Variants in PRRC2B observed in about 807,000 individuals in gnomAD.
PRRC2B encodes the protein proline rich coiled-coil 2B, also known as protein PRRC2B.
Under a neutral mutation model 242.3 loss-of-function variants are expected in PRRC2B, and 68 were observed. The observed-to-expected ratio is 0.28, with a 90% CI of 0.23 to 0.34. The LOEUF is 0.34. PRRC2B is among the 10% of genes least tolerant of loss of function. The pLI is 1.00. For missense variants in PRRC2B, 2,835 were observed against 2,954.8 expected (o/e 0.96, Z 0.94); for synonymous variants, 1,228 against 1,173.6 (o/e 1.05, Z -0.95).
intron 18 of PRRC2B, 82 bp from the exon 19 acceptor site, chr9:131,479,170 G>T: frequency 1.4e-6 from 2 of 1,412,996 alleles, no homozygotes; most frequent in Non-Finnish European, 2.0e-6. Context: ...TGTGATTTTT[G>T]GTACCTGGGA....
Position 131,440,667 on chromosome 9 carries a change from C to T in PRRC2B, c.469+1606C>T, listed in dbSNP as rs1348883351. 2.0e-5 allele frequency among the ~76,000 whole-genome samples: 3 copies of T among 152,224 alleles called. No homozygotes were observed. The East Asian group carries it at 5.8e-4, about 29-fold the overall frequency. On this transcript the variant is annotated intron_variant, in intron 5 of 31. Coordinates refer to ENST00000683519, the MANE Select transcript of PRRC2B (RefSeq NM_013318.4). ...ATAATAGCAAAAGATTGCAAACAGT[C>T]CCTTGAAATGCCTGTAAAATTATGG...
At chr9:131,430,015 A>T (rs1346153444) in intron 1 of PRRC2B, 79 bp from the exon 2 acceptor site, 1 of 625,036 alleles carries the variant, frequency 1.6e-6, no homozygotes, top group Non-Finnish European at 2.8e-6. Flanking sequence ...ACTCCTCTGG[A>T]TCAGAGGTTC....
chr9:131,483,540 G>A (rs1943933103), intron 23 of PRRC2B, 95 bp downstream of exon 23: 1 of 1,094,260 alleles, frequency 9.1e-7, no homozygotes, highest in African/African-American at 1.6e-5. Context: ...GCTGACCTGG[G>A]CTGGCACGTG....
chr9:131,453,903 C>T (rs1475718743), intron 9 of PRRC2B, among the ~76,000 whole-genome samples: 1 of 151,914 alleles, frequency 6.6e-6, no homozygotes, highest in African/African-American at 2.4e-5. Flanking sequence ...TAAAATTTAC[C>T]CTTTTAAAGT....
intron 1 of PRRC2B, among the ~76,000 whole-genome samples, chr9:131,380,450 G>C (rs981157219): frequency 6.6e-6 from 1 of 151,378 alleles, no homozygotes; most frequent in Admixed American, 6.6e-5. Context: ...GTGGTGGTGC[G>C]TGCCTGTAAT....
chr9:131,409,004 TCA>T (rs1223346550), intron 1 of PRRC2B, among the ~76,000 whole-genome samples: 1 of 123,738 alleles, frequency 8.1e-6, no homozygotes, highest in Non-Finnish European at 1.7e-5. Context: ...CAGGCATGAG[TCA>T]CTGCGCTCAG....
intron 1 of PRRC2B, among the ~76,000 whole-genome samples, chr9:131,423,386 ATG>A (rs1409085726): frequency 6.6e-6 from 1 of 152,128 alleles, no homozygotes; most frequent in Non-Finnish European, 1.5e-5. Context: ...TGGGGTATGC[ATG>A]TGTGTTGATG....
At chr9:131,394,832 A>T (rs1449038614) in intron 1 of PRRC2B, among the ~76,000 whole-genome samples, 1 of 142,208 alleles carries the variant, frequency 7.0e-6, no homozygotes, top group Admixed American at 6.9e-5. Context: ...TGGGGGAGGG[A>T]GGCGAGCGGC....
chr9:131,437,961 T>C lies in PRRC2B; in HGVS notation c.397-1028T>C, dbSNP rs76814982. Reference sequence around the variant, plus strand: ...GGTCCTGGGCATCTATTTGAATGAATTGCTGAAGGGGAGCACTATGCCAAG... The same window carrying C: ...GGTCCTGGGCATCTATTTGAATGAACTGCTGAAGGGGAGCACTATGCCAAG... On this transcript the variant is annotated intron_variant, in intron 4 of 31. Coordinates refer to ENST00000683519, the MANE Select transcript of PRRC2B (RefSeq NM_013318.4). 3.9e-4 allele frequency among the ~76,000 whole-genome samples: 59 copies of C among 152,224 alleles called. No individual in the cohort carries two copies. The East Asian group carries it at 0.011, about 28-fold the overall frequency.
Position 131,476,495 on chromosome 9 carries a change from T to C in PRRC2B, c.4366T>C (p.Tyr1456His), listed in dbSNP as rs1258963704. 1 of 1,609,704 alleles carries C rather than the reference T, an allele frequency of 6.2e-7. No homozygotes were observed. ...RPGGGDTSPR[Y>H]ESQQNGTPLK... ...AGGTGGTGGTGACACCTCCCCTCGCTATGAGAGCCAACAGAATGGGACGCC... is the reference window on the plus strand; with the variant it reads ...AGGTGGTGGTGACACCTCCCCTCGCCATGAGAGCCAACAGAATGGGACGCC... The change falls in exon 16 of 32, where the codon TAT becomes CAT. Residue 1456 changes from tyrosine (Y) to histidine (H), a missense_variant. Tyr to His is a moderately conservative substitution (Grantham distance 83). Transcript: ENST00000683519.
intron 24 of PRRC2B, 32 bp downstream of exon 24, chr9:131,484,822 A>G (rs1313386008): frequency 1.3e-6 from 2 of 1,580,536 alleles, no homozygotes; most frequent in African/African-American, 2.7e-5. Context: ...GTGAGGGCCC[A>G]CCCAGTACCT....
At chr9:131,417,882 A>G (rs531100931) in intron 1 of PRRC2B, among the ~76,000 whole-genome samples, 2 of 152,272 alleles carry the variant, frequency 1.3e-5, no homozygotes, top group Admixed American at 1.3e-4. Flanking sequence ...CCTTTTCCCC[A>G]TGATCGAGCA....
At chr9:131,477,562 A>C (rs915567729) in intron 16 of PRRC2B, among the ~76,000 whole-genome samples, 182 bp from the exon 17 acceptor site, 1 of 152,056 alleles carries the variant, frequency 6.6e-6, no homozygotes. Context: ...GCAGCCTTAC[A>C]CGTATGTTTG....
In PRRC2B at chr9:131,499,030, T is replaced by C. The variant is rs1401232587; in HGVS notation, c.*3156T>C. On this transcript the variant is annotated 3_prime_UTR_variant, in exon 32 of 32. Transcript: ENST00000683519. ...TCAAACTTGGAATTCATAGACACTC[T>C]GGCTCTAGGTTCCTTAAGGGGGAAA... is the stretch of plus-strand genomic sequence containing the variant. 1 of 152,212 alleles carries C rather than the reference T, an allele frequency of 6.6e-6. No homozygotes were observed. Among genetic ancestry groups the C allele is most frequent in the African/African-American group, 2.4e-5 (1 of 41,450 alleles). 9.4% of individuals were successfully genotyped at this position (152,212 alleles called of 1,614,324 possible).
intron 2 of PRRC2B, among the ~76,000 whole-genome samples, chr9:131,431,292 G>T (rs1252227850): frequency 6.6e-6 from 1 of 151,998 alleles, no homozygotes; most frequent in African/African-American, 2.4e-5. Flanking sequence ...CATCATGCCT[G>T]GCTAATTTTT....
intron 28 of PRRC2B, among the ~76,000 whole-genome samples, chr9:131,489,837 C>T (rs1028072861): frequency 3.9e-5 from 6 of 152,138 alleles, no homozygotes; most frequent in East Asian, 1.9e-4. Context: ...GTGCTGACCC[C>T]GTAATCCCGC....
In PRRC2B at chr9:131,476,275, C is replaced by T. The variant is rs1183073086; in HGVS notation, c.4146C>T (p.Asp1382=). The part of the protein sequence containing the change: ...EEWETASESS[D]FSERRERREG... ...GGGAGACGGCCTCCGAAAGCAGCGA[C>T]TTCAGCGAGCGGCGGGAGCGGCGGG... Residue 1382 remains aspartate (D), a synonymous_variant, in exon 16 of 32, where the codon GAC becomes GAT. Coordinates refer to ENST00000683519, the MANE Select transcript of PRRC2B (RefSeq NM_013318.4). The T allele has an allele frequency of 1.9e-6, 3 of 1,609,534 alleles. No individual in the cohort carries two copies. The highest frequency in any genetic ancestry group is 2.2e-5 in the East Asian group (1 of 44,674).
At chr9:131,448,830 T>TA (rs1321646076) in intron 9 of PRRC2B, among the ~76,000 whole-genome samples, 1 of 152,154 alleles carries the variant, frequency 6.6e-6, no homozygotes, top group Non-Finnish European at 1.5e-5. Flanking sequence ...TAGTGAAAGG[T>TA]ACCCATATCA....
At chr9:131,412,168 C>T (rs553526997) in intron 1 of PRRC2B, among the ~76,000 whole-genome samples, 17 of 152,108 alleles carry the variant, frequency 1.1e-4, no homozygotes, top group Admixed American at 3.3e-4. Context: ...CTACGTTGAC[C>T]GTCTCTATCT....
Sources: gnomAD v4.1 joint callset for allele counts (sites outside exome capture counted in the v4.1 genomes callset) on GRCh38, gnomAD v4.1.1 for gene constraint, MANE v1.5 for transcripts, NCBI Gene and HGNC (gene_info 2026-07-23, HGNC 2026-07-21) for gene names.